DENND1A: variants seen among roughly 807,000 people sequenced by gnomAD.
DENND1A encodes the protein DENN domain containing 1A.
A neutral mutation model predicts 113.7 loss-of-function variants in DENND1A; 51 were observed. The observed-to-expected ratio is 0.45, with a 90% CI of 0.36 to 0.57. The LOEUF (loss-of-function observed/expected upper bound fraction) is 0.57, where lower values mean the gene tolerates loss of function less well. DENND1A is among the 20% of genes least tolerant of loss of function. The probability of loss-of-function intolerance (pLI) is 0.00; values close to 1 mark genes in which losing one functional copy is unlikely to be tolerated. For missense variants in DENND1A, 1,258 were observed against 1,395.9 expected (o/e 0.90, Z 1.57); for synonymous variants, 565 against 570.8 (o/e 0.99, Z 0.14).
intron 17 of DENND1A, 33 bp from the exon 18 acceptor site, chr9:123,450,782 C>G (rs1249900965): frequency 6.3e-7 from 1 of 1,575,642 alleles, no homozygotes; most frequent in Non-Finnish European, 8.7e-7. Context: ...TTAAGATTCC[C>G]TTTCTGTTTC....
At chr9:123,920,227 T>C (rs1172916143) in intron 1 of DENND1A, among the ~76,000 whole-genome samples, 2 of 152,090 alleles carry the variant, frequency 1.3e-5, no homozygotes, top group East Asian at 3.9e-4. Flanking sequence ...GGTCAGGAGT[T>C]TGAGACCAGC....
chr9:123,914,241 G>A (rs989663529), intron 1 of DENND1A, among the ~76,000 whole-genome samples: 1 of 151,744 alleles, frequency 6.6e-6, no homozygotes, highest in Non-Finnish European at 1.5e-5. Context: ...AAGTACCTGC[G>A]ACTTCTTTAT....
chr9:123,721,611 G>A (rs542700314), intron 5 of DENND1A, among the ~76,000 whole-genome samples: 1 of 152,330 alleles, frequency 6.6e-6, no homozygotes, highest in East Asian at 1.9e-4. Flanking sequence ...CCTGTGGGAG[G>A]TGATCAAATC....
At chr9:123,842,295 A>G (rs1180136356) in intron 2 of DENND1A, among the ~76,000 whole-genome samples, 1 of 152,248 alleles carries the variant, frequency 6.6e-6, no homozygotes, top group Non-Finnish European at 1.5e-5. Flanking sequence ...CATTTCAGAC[A>G]AAGAAACAGC....
intron 1 of DENND1A, among the ~76,000 whole-genome samples, chr9:123,905,020 C>A (rs1287380578): frequency 6.6e-6 from 1 of 152,052 alleles, no homozygotes; most frequent in Non-Finnish European, 1.5e-5. Context: ...CAGCAGAAAC[C>A]CTACAAGCCA....
Position 123,387,840 on chromosome 9 carries a change from T to G in DENND1A, c.1650A>C (p.Arg550=). 7.8e-7 allele frequency: 1 copy of G among 1,289,850 alleles called. No individual in the cohort carries two copies. The highest frequency in any genetic ancestry group is 2.3e-5 in the Admixed American group (1 of 43,554). 79.9% of individuals were successfully genotyped at this position (1,289,850 alleles called of 1,614,324 possible). Residue 550 remains arginine, a synonymous_variant, in exon 22 of 24, where the codon CGA becomes CGC. Coordinates refer to ENST00000394215, the MANE Select transcript of DENND1A (RefSeq NM_001352964.2). ...CTTCGGAGAGGAAGACCGCATAGTG[T>G]CGCAAGGGCTTTACCAGGCTGGGGC... The part of the protein sequence containing the change: ...PSPEHLVKPL[R]HYAVFLSEDS...
chr9:123,734,304 C>T (rs1219902417), intron 5 of DENND1A, among the ~76,000 whole-genome samples: 1 of 152,120 alleles, frequency 6.6e-6, no homozygotes, highest in Non-Finnish European at 1.5e-5. Flanking sequence ...GAGGAAATTG[C>T]CTGTTTAAAA....
At chr9:123,686,908 T>A (rs2064844151) in intron 5 of DENND1A, among the ~76,000 whole-genome samples, 1 of 152,186 alleles carries the variant, frequency 6.6e-6, no homozygotes, top group Non-Finnish European at 1.5e-5. Context: ...TTAAGTTCAT[T>A]TCCACCCCAG....
At chr9:123,519,422 TG>T (rs1029852210) in intron 13 of DENND1A, among the ~76,000 whole-genome samples, 1 of 147,966 alleles carries the variant, frequency 6.8e-6, no homozygotes, top group Non-Finnish European at 1.5e-5. Context: ...AGAGCTGGGC[TG>T]GGTCCTCATA....
chr9:123,446,776 C>T (rs942702129), intron 18 of DENND1A, among the ~76,000 whole-genome samples: 2 of 151,904 alleles, frequency 1.3e-5, no homozygotes, highest in East Asian at 3.9e-4. Context: ...TGCCACTGCA[C>T]TGGGAGACAG....
At chr9:123,799,641 A>G (rs1361793928) in intron 2 of DENND1A, among the ~76,000 whole-genome samples, 5 of 152,216 alleles carry the variant, frequency 3.3e-5, no homozygotes, top group African/African-American at 1.2e-4. Context: ...CATATACAAT[A>G]TAGTGAATAG....
At position 123,723,673 on chromosome 9, in the gene DENND1A, T is replaced by C. The variant is rs137979292; in HGVS notation, c.302+34030A>G. Among the ~76,000 whole-genome samples, 516 of 152,284 alleles carry C rather than the reference T, an allele frequency of 3.4e-3. 3 individuals carry two copies. Among genetic ancestry groups the C allele is most frequent in the African/African-American group, 0.012 (492 of 41,568 alleles). On this transcript the variant is annotated intron_variant, in intron 5 of 23. Coordinates refer to ENST00000394215, the MANE Select transcript of DENND1A (RefSeq NM_001352964.2). ...AGCTCTATTTGCTTGCTGCCATCCA[T>C]GTAAGATGTGATTTGCTCCCCCTTG...
At chr9:123,925,090 T>C (rs967955566) in intron 1 of DENND1A, among the ~76,000 whole-genome samples, 4 of 152,176 alleles carry the variant, frequency 2.6e-5, no homozygotes, top group Non-Finnish European at 5.9e-5. Context: ...ATTCACCTGG[T>C]TTTTTTAATG....
At chr9:123,880,640 C>T (rs1848184461) in intron 1 of DENND1A, among the ~76,000 whole-genome samples, 1 of 152,158 alleles carries the variant, frequency 6.6e-6, no homozygotes, top group Non-Finnish European at 1.5e-5. Context: ...TATCTCATTT[C>T]ATCGTCATCA....
chr9:123,563,314 G>C (rs147857032), intron 12 of DENND1A, among the ~76,000 whole-genome samples: 393 of 152,216 alleles, frequency 2.6e-3, no homozygotes, highest in African/African-American at 9.3e-3. Context: ...ACTGGTCACT[G>C]TTCTCAACCT....
intron 13 of DENND1A, among the ~76,000 whole-genome samples, chr9:123,545,047 G>A (rs569747094): frequency 2.6e-5 from 4 of 151,904 alleles, no homozygotes; most frequent in African/African-American, 2.4e-5. Flanking sequence ...GCAGTGAGCT[G>A]AGATCGCGCC....
chr9:123,395,392 T>C (rs148439741), intron 21 of DENND1A, among the ~76,000 whole-genome samples: 240 of 152,188 alleles, frequency 1.6e-3, no homozygotes, highest in Non-Finnish European at 2.6e-3. Context: ...TTCCTGCTCT[T>C]CCAGTTTAGG....
intron 5 of DENND1A, among the ~76,000 whole-genome samples, chr9:123,715,746 T>C (rs2066930093): frequency 6.6e-6 from 1 of 152,108 alleles, no homozygotes; most frequent in South Asian, 2.1e-4. Flanking sequence ...AGTGTGGTGG[T>C]ACAACCTCCG....
chr9:123,531,802 G>A (rs945332604), intron 13 of DENND1A, among the ~76,000 whole-genome samples: 10 of 152,040 alleles, frequency 6.6e-5, no homozygotes, highest in African/African-American at 2.4e-4. Flanking sequence ...CATAGCAAAT[G>A]GTTAAGAAAT....
Sources: gnomAD v4.1 joint callset for allele counts (sites outside exome capture counted in the v4.1 genomes callset) on GRCh38, gnomAD v4.1.1 for gene constraint, MANE v1.5 for transcripts, NCBI Gene and HGNC (gene_info 2026-07-23, HGNC 2026-07-21) for gene names.